The following LRRN4 variants were observed in gnomAD, a reference collection of about 807,000 sequenced individuals.
LRRN4 encodes leucine-rich repeat neuronal protein 4.
Under a neutral mutation model 22.3 loss-of-function variants are expected in LRRN4, and 26 were observed. The ratio of observed to expected loss-of-function variants is 1.16; its 90% CI spans 0.85 to 1.62. LRRN4 has a LOEUF of 1.62. LRRN4 is among the 40% of genes most tolerant of loss of function. The pLI is 0.00. For synonymous variants in LRRN4, 496 were observed against 486.2 expected (o/e 1.02, Z -0.26); for missense variants, 1,070 against 1,008.5 (o/e 1.06, Z -0.83).
Position 6,040,701 on chromosome 20 carries a change from T to C in LRRN4, c.*321A>G, listed in dbSNP as rs1980896313. ...TCTGTTTCATCCCTTCCTACGTCCA[T>C]ACACTATTCTACTGGATAGAGAGGC... On this transcript the variant is annotated 3_prime_UTR_variant, in exon 5 of 5. Transcript: ENST00000378858. The C allele has an allele frequency of 2.9e-6, 1 of 343,118 alleles. No homozygotes were observed. The highest frequency in any genetic ancestry group is 3.5e-5 in the South Asian group (1 of 28,506). The allele number at this position is 343,118 out of a possible 1,614,324, so 21.3% of individuals were successfully genotyped here.
In LRRN4 at chr20:6,041,039, G is replaced by T; in HGVS notation, c.2206C>A (p.Leu736Ile). The change falls in exon 5 of 5, where the codon CTC becomes ATC. Residue 736 changes from leucine to isoleucine, a missense_variant. Coordinates refer to ENST00000378858, the MANE Select transcript of LRRN4 (RefSeq NM_152611.5). The surrounding 1 kb of genome is among the most constrained non-coding windows in gnomAD (Gnocchi z 9.4). ...AAGCTGGGCTAACTGACGGTCTGGA[G>T]CCCCAGCGGGTAATCATCAAAGGCC... is the stretch of plus-strand genomic sequence containing the variant. ...NPAFDDYPLG[L>I]QTVS is the part of the protein sequence containing the mutation. 6.2e-7 allele frequency: 1 copy of T among 1,613,976 alleles called. No homozygotes were observed. The highest frequency in any genetic ancestry group is 1.7e-5 in the Admixed American group (1 of 60,018).
At position 6,047,566 on chromosome 20, in the gene LRRN4, C is replaced by T. The variant is rs1437962364; in HGVS notation, c.861-2886G>A. Among the ~76,000 whole-genome samples, 3 of 150,876 alleles carry T rather than the reference C, an allele frequency of 2.0e-5. No homozygotes were observed. The East Asian group carries it at 5.8e-4, about 29-fold the overall frequency. ...CTTTGGGAAGCCGAGGCAGGCAGAT[C>T]ACGAGGTTAGGAGATAGAGACCATT... On this transcript the variant is annotated intron_variant, in intron 3 of 4. Transcript: ENST00000378858.
Position 6,041,724 on chromosome 20 carries a change from G to C in LRRN4, c.1521C>G (p.Pro507=). 2.5e-6 allele frequency: 4 copies of C among 1,613,646 alleles called. No individual in the cohort carries two copies. The highest frequency in any genetic ancestry group is 3.4e-6 in the Non-Finnish European group (4 of 1,179,686). The change falls in exon 5 of 5, where the codon CCC becomes CCG. Residue 507 remains proline, a synonymous_variant. Transcript: ENST00000378858. The surrounding 1 kb of genome is among the most constrained non-coding windows in gnomAD (Gnocchi z 9.4). Reference sequence around the variant, plus strand: ...CGGAAAGACTCGGGTTGGGGGCTTGGGGTGTGGCGTGTGTCCTCTGGCCGG... The same window carrying C: ...CGGAAAGACTCGGGTTGGGGGCTTGCGGTGTGGCGTGTGTCCTCTGGCCGG... ...PQPGQRTHAT[P]QAPNPSLSEG... is the part of the protein sequence containing the mutation.
chr20:6,047,823 C>T (rs927590084), intron 3 of LRRN4, among the ~76,000 whole-genome samples: 2 of 150,470 alleles, frequency 1.3e-5, no homozygotes, highest in African/African-American at 2.4e-5. Flanking sequence ...ACAGGCGTCA[C>T]GAGACTGTCA....
At position 6,042,032 on chromosome 20, in the gene LRRN4, T is replaced by C; in HGVS notation, c.1213A>G (p.Ser405Gly). The change falls in exon 5 of 5, where the codon AGT becomes GGT. Residue 405 changes from serine (S) to glycine (G), a missense_variant. Physicochemically the swap from Ser to Gly is moderately conservative, Grantham distance 56. Coordinates refer to ENST00000378858, the MANE Select transcript of LRRN4 (RefSeq NM_152611.5). Reference protein sequence around the residue: ...PATRPAGDQQSVSKAPNVGSR... With the variant: ...PATRPAGDQQGVSKAPNVGSR... ...CCCACGTTAGGGGCCTTGGAGACAC[T>C]CTGCTGGTCTCCCGCAGGCCGGGTG... is the stretch of plus-strand genomic sequence containing the variant. 1 of 1,613,872 alleles carries C rather than the reference T, an allele frequency of 6.2e-7. No individual in the cohort carries two copies. The highest frequency in any genetic ancestry group is 8.5e-7 in the Non-Finnish European group (1 of 1,179,938).
Position 6,041,535 on chromosome 20 carries a change from G to T in LRRN4, c.1710C>A (p.Cys570Ter). 1.3e-6 allele frequency: 2 copies of T among 1,551,290 alleles called. No homozygotes were observed. The highest frequency in any genetic ancestry group is 1.9e-5 in the Admixed American group (1 of 52,562). Reference protein sequence around the residue: ...AELQRRWRCRCPGLSGEDTIP... With the variant: ...AELQRRWRCR Reference sequence around the variant, plus strand: ...TGGTGTCTTCCCCGCTGAGGCCGGGGCACCGGCACCGCCACCGCCTCTGCA... The same window carrying T: ...TGGTGTCTTCCCCGCTGAGGCCGGGTCACCGGCACCGCCACCGCCTCTGCA... Residue 570 changes from cysteine to a stop codon, truncating the protein, a stop_gained, in exon 5 of 5, where the codon TGC becomes TGA. Transcript: ENST00000378858. LOFTEE classifies it low-confidence loss of function (END_TRUNC). The surrounding 1 kb of genome is among the most constrained non-coding windows in gnomAD (Gnocchi z 9.4).
chr20:6,041,932 G>A lies in LRRN4; in HGVS notation c.1313C>T (p.Ala438Val). ...GAAAACGCTGGAGTTGCTGTGACCT[G>A]CTACAGAGTTGGTCGTGGAGGGGGC... ...GTAPSTTNSVAGHSNSSVFPR... is the reference protein window; with the variant it reads ...GTAPSTTNSVVGHSNSSVFPR... Residue 438 changes from alanine to valine, a missense_variant, in exon 5 of 5, where the codon GCA becomes GTA. Coordinates refer to ENST00000378858, the MANE Select transcript of LRRN4 (RefSeq NM_152611.5). The surrounding 1 kb of genome is among the most constrained non-coding windows in gnomAD (Gnocchi z 9.4). 1 of 1,614,186 alleles carries A rather than the reference G, an allele frequency of 6.2e-7. No individual in the cohort carries two copies. The highest frequency in any genetic ancestry group is 8.5e-7 in the Non-Finnish European group (1 of 1,180,032).
intron 3 of LRRN4, among the ~76,000 whole-genome samples, chr20:6,050,063 A>G (rs1260926244): frequency 6.6e-6 from 1 of 152,210 alleles, no homozygotes; most frequent in Non-Finnish European, 1.5e-5. Context: ...CCCCAAAGCA[A>G]ACTTTTATTG....
Position 6,041,489 on chromosome 20 carries a change from G to A in LRRN4, c.1756C>T (p.Gln586Ter). The A allele has an allele frequency of 6.4e-7, 1 of 1,558,990 alleles. No homozygotes were observed. The highest frequency in any genetic ancestry group is 1.9e-5 in the Admixed American group (1 of 53,406). The change falls in exon 5 of 5, where the codon CAG becomes TAG. Residue 586 changes from glutamine to a stop codon, truncating the protein, a stop_gained. Coordinates refer to ENST00000378858, the MANE Select transcript of LRRN4 (RefSeq NM_152611.5). LOFTEE classifies it low-confidence loss of function (END_TRUNC). The surrounding 1 kb of genome is among the most constrained non-coding windows in gnomAD (Gnocchi z 9.4). The part of the protein sequence containing the change: ...EDTIPDPPRL[Q>*]GVTETTDTSA... ...GTGTCCGTGGTCTCCGTCACCCCCT[G>A]CAGCCTGGGCGGGTCTGGGATGGTG...
chr20:6,052,416 G>A lies in LRRN4; in HGVS notation c.384C>T (p.Asp128=), dbSNP rs1246738773. The change falls in exon 2 of 5, where the codon GAC becomes GAT. Residue 128 remains aspartate, a synonymous_variant. Transcript: ENST00000378858. ...PGGPAGLHTL[D]LSYNQLAALP... is the part of the protein sequence containing the mutation. Reference sequence around the variant, plus strand: ...GAGCGGCCAGCTGGTTGTAGCTGAGGTCCAGGGTGTGCAGCCCCGCCGGCC... The same window carrying A: ...GAGCGGCCAGCTGGTTGTAGCTGAGATCCAGGGTGTGCAGCCCCGCCGGCC... 1 of 1,544,580 alleles carries A rather than the reference G, an allele frequency of 6.5e-7. No homozygotes were observed. Among genetic ancestry groups the A allele is most frequent in the East Asian group, 2.4e-5 (1 of 41,208 alleles).
chr20:6,052,835 AT>A (rs1981300053), intron 1 of LRRN4, 31 bp from the exon 2 acceptor site: 2 of 1,521,448 alleles, frequency 1.3e-6, no homozygotes, highest in East Asian at 4.9e-5. Flanking sequence ...CGCCCATCAA[AT>A]CCACAGGAAC....
chr20:6,043,814 T>C (rs1600404568), intron 4 of LRRN4, among the ~76,000 whole-genome samples: 2 of 151,654 alleles, frequency 1.3e-5, no homozygotes, highest in African/African-American at 4.8e-5. Flanking sequence ...AGAAGCTGAG[T>C]AGGATGATCG....
intron 4 of LRRN4, among the ~76,000 whole-genome samples, chr20:6,044,273 T>C (rs1000266386): frequency 6.6e-6 from 1 of 152,202 alleles, no homozygotes; most frequent in East Asian, 1.9e-4. Flanking sequence ...GGCTAATGAA[T>C]GTGAGTGGAA....
intron 2 of LRRN4, 83 bp from the exon 3 acceptor site, chr20:6,051,066 T>A: frequency 8.2e-7 from 1 of 1,213,494 alleles, no homozygotes; most frequent in Non-Finnish European, 1.2e-6. Flanking sequence ...AGAACGAGAG[T>A]GGCAAGGTGA....
At chr20:6,047,417 G>GACACATAC (rs1481694075) in intron 3 of LRRN4, among the ~76,000 whole-genome samples, 6 of 134,834 alleles carry the variant, frequency 4.4e-5, no homozygotes, top group African/African-American at 1.5e-4. Flanking sequence ...TAAAGAAGCA[G>GACACATAC]ACACACATAC....
chr20:6,042,639 G>A (rs893649153), intron 4 of LRRN4, among the ~76,000 whole-genome samples: 1 of 152,096 alleles, frequency 6.6e-6, no homozygotes, highest in Non-Finnish European at 1.5e-5. Context: ...AATCATACTC[G>A]GGCCGGTGCG....
chr20:6,043,984 G>A (rs955198770), intron 4 of LRRN4, among the ~76,000 whole-genome samples: 1 of 152,190 alleles, frequency 6.6e-6, no homozygotes, highest in Non-Finnish European at 1.5e-5. Context: ...TTTACTTGGT[G>A]GAAATGGTTT....
In LRRN4 at chr20:6,040,832, T is replaced by C; in HGVS notation, c.*190A>G. 2 of 730,434 alleles carry C rather than the reference T, an allele frequency of 2.7e-6. 1 individual carries two copies. The highest frequency in any genetic ancestry group is 4.4e-6 in the Non-Finnish European group (2 of 457,872). The allele number at this position is 730,434 out of a possible 1,614,324, so 45.2% of individuals were successfully genotyped here. A position where few individuals can be genotyped will look rare whatever the true frequency, so the allele number is the denominator to read the frequency against. ...TCAGGTTTCTGGGAACAGAGTTAAG[T>C]AGAAGGAAGGGAGGGCAGCAGTTCC... On this transcript the variant is annotated 3_prime_UTR_variant, in exon 5 of 5. Coordinates refer to ENST00000378858, the MANE Select transcript of LRRN4 (RefSeq NM_152611.5).
chr20:6,046,999 C>A (rs1454538508), intron 3 of LRRN4, among the ~76,000 whole-genome samples: 3 of 152,028 alleles, frequency 2.0e-5, no homozygotes, highest in Admixed American at 2.0e-4. Context: ...CCGCTGAGTC[C>A]TTTCCTTACA....
Sources: gnomAD v4.1 joint callset for allele counts (sites outside exome capture counted in the v4.1 genomes callset) on GRCh38, gnomAD v4.1.1 for gene constraint, Gnocchi (gnomAD v3.1) non-coding constraint, MANE v1.5 for transcripts, NCBI Gene and HGNC (gene_info 2026-07-23, HGNC 2026-07-21) for gene names.